Variants in RAPGEF5 observed in about 807,000 individuals in gnomAD.
The protein encoded by RAPGEF5 is M-Ras-regulated GEF.
RAPGEF5 carries 65 observed loss-of-function variants against 125.2 expected under a neutral mutation model. The ratio of observed to expected loss-of-function variants is 0.52; its 90% CI spans 0.43 to 0.64. The LOEUF is 0.64. RAPGEF5 is among the 30% of genes least tolerant of loss of function. RAPGEF5 has a pLI of 0.00. For missense variants in RAPGEF5, 958 were observed against 1,048.1 expected, an observed-to-expected ratio of 0.91 and a Z score of 1.19; for synonymous variants, 391 against 385.9, an observed-to-expected ratio of 1.01 and a Z score of -0.16.
At chr7:22,188,537 T>G (rs1784891484) in intron 11 of RAPGEF5, among the ~76,000 whole-genome samples, 1 of 151,772 alleles carries the variant, frequency 6.6e-6, no homozygotes, top group Non-Finnish European at 1.5e-5. Context: ...GAGGCCAAGG[T>G]GGGTGGATCA....
chr7:22,125,716 A>T, intron 24 of RAPGEF5, 58 bp from the exon 25 acceptor site: 1 of 1,465,976 alleles, frequency 6.8e-7, no homozygotes, highest in East Asian at 2.3e-5. Flanking sequence ...GTTACTGAAG[A>T]AGCAGTGCCT....
intron 11 of RAPGEF5, among the ~76,000 whole-genome samples, chr7:22,175,981 T>C (rs1480391670): frequency 6.6e-6 from 1 of 152,130 alleles, no homozygotes; most frequent in Non-Finnish European, 1.5e-5. Flanking sequence ...ATTAGTACGT[T>C]CTCATGCTGC....
chr7:22,300,888 G>A (rs560924867), intron 5 of RAPGEF5, among the ~76,000 whole-genome samples: 1 of 152,268 alleles, frequency 6.6e-6, no homozygotes, highest in East Asian at 1.9e-4. Flanking sequence ...AAACTACAGG[G>A]ACCCATTTTC....
chr7:22,122,843 G>A (rs1160414936), intron 25 of RAPGEF5, among the ~76,000 whole-genome samples: 1 of 152,196 alleles, frequency 6.6e-6, no homozygotes, highest in Non-Finnish European at 1.5e-5. Flanking sequence ...GTCACAGCCA[G>A]GATTCGGACC....
chr7:22,137,101 T>A, intron 21 of RAPGEF5, 118 bp from the exon 22 acceptor site: 1 of 729,168 alleles, frequency 1.4e-6, no homozygotes, highest in Non-Finnish European at 2.3e-6. Flanking sequence ...CATAAATACC[T>A]CTATCATCTG....
At chr7:22,182,013 T>C (rs775413624) in intron 11 of RAPGEF5, among the ~76,000 whole-genome samples, 2 of 152,184 alleles carry the variant, frequency 1.3e-5, no homozygotes, top group South Asian at 4.1e-4. Context: ...AAACATGCTG[T>C]GAGAGATTAA....
chr7:22,311,808 T>C (rs1783477635), intron 3 of RAPGEF5, among the ~76,000 whole-genome samples: 1 of 152,210 alleles, frequency 6.6e-6, no homozygotes, highest in Non-Finnish European at 1.5e-5. Context: ...CTATAGGATA[T>C]CTTTCATGTT....
intron 7 of RAPGEF5, among the ~76,000 whole-genome samples, chr7:22,256,444 A>G (rs887007136): frequency 2.6e-5 from 4 of 152,204 alleles, no homozygotes; most frequent in African/African-American, 9.7e-5. Context: ...GAGGTTACCA[A>G]ATTTTACGCC....
At chr7:22,327,021 A>T (rs1055171018) in intron 1 of RAPGEF5, among the ~76,000 whole-genome samples, 2 of 152,204 alleles carry the variant, frequency 1.3e-5, no homozygotes, top group African/African-American at 4.8e-5. Flanking sequence ...TAAAGTGGTT[A>T]AAAAAAGCAA....
intron 25 of RAPGEF5, among the ~76,000 whole-genome samples, chr7:22,125,020 A>G (rs1782693375): frequency 1.3e-5 from 2 of 152,222 alleles, no homozygotes; most frequent in Non-Finnish European, 2.9e-5. Context: ...TAAACATAGT[A>G]TAAATTATGG....
intron 11 of RAPGEF5, among the ~76,000 whole-genome samples, chr7:22,188,182 G>A (rs1449738182): frequency 6.6e-6 from 1 of 152,176 alleles, no homozygotes; most frequent in African/African-American, 2.4e-5. Flanking sequence ...ATGCTGCTAC[G>A]GGGTTATTAT....
chr7:22,301,654 G>A (rs967461332), intron 5 of RAPGEF5, among the ~76,000 whole-genome samples: 15 of 148,898 alleles, frequency 1.0e-4, no homozygotes, highest in South Asian at 2.1e-4. Flanking sequence ...TAGATAGGCC[G>A]AAAATATGCA....
chr7:22,174,840 C>A (rs538610655), intron 11 of RAPGEF5, among the ~76,000 whole-genome samples: 1 of 152,112 alleles, frequency 6.6e-6, no homozygotes, highest in Non-Finnish European at 1.5e-5. Flanking sequence ...TGCTTTTAAA[C>A]TTGCTGAGCT....
intron 23 of RAPGEF5, among the ~76,000 whole-genome samples, chr7:22,133,373 A>G (rs887937849): frequency 1.3e-5 from 2 of 152,196 alleles, no homozygotes; most frequent in African/African-American, 4.8e-5. Context: ...AGAGAGAAAC[A>G]AATGAGAGGT....
intron 22 of RAPGEF5, 74 bp downstream of exon 22, chr7:22,136,859 C>T (rs1233099038): frequency 3.2e-6 from 4 of 1,250,548 alleles, no homozygotes; most frequent in East Asian, 2.5e-5. Context: ...AAATACCACC[C>T]ACTATAATGT....
At chr7:22,261,828 T>C (rs556959584) in intron 7 of RAPGEF5, among the ~76,000 whole-genome samples, 1 of 133,786 alleles carries the variant, frequency 7.5e-6, no homozygotes, top group South Asian at 2.8e-4. Flanking sequence ...CAAATGGTGC[T>C]GAGGTGACTG....
rs537660470 is a variant in RAPGEF5 at position 22,144,979 on chromosome 7, AAAG to A, written c.2186+62_2186+64del. 6.1e-5 allele frequency: 92 copies of A among 1,506,146 alleles called. No homozygotes were observed. The African/African-American group carries it at 7.1e-4, about 12-fold the overall frequency. The allele number at this position is 1,506,146 out of a possible 1,614,324, so 93.3% of individuals were successfully genotyped here. A position where few individuals can be genotyped will look rare whatever the true frequency, so the allele number is the denominator to read the frequency against. Reference sequence around the variant, plus strand: ...ACCCTTATCATCATAAGAAAGAAAGAAAGAAGAACAATGTACTCTCTCAAGAAG... The same window carrying A: ...ACCCTTATCATCATAAGAAAGAAAGAAAGAACAATGTACTCTCTCAAGAAG... On this transcript the variant is annotated intron_variant, in intron 20 of 25. Transcript: ENST00000665637.
At chr7:22,231,851 C>T (rs530122482) in intron 7 of RAPGEF5, among the ~76,000 whole-genome samples, 2 of 152,332 alleles carry the variant, frequency 1.3e-5, no homozygotes, top group African/African-American at 4.8e-5. Context: ...AAATTCAGAT[C>T]TAAGCCTAAG....
At chr7:22,283,775 C>T (rs192015136) in intron 6 of RAPGEF5, among the ~76,000 whole-genome samples, 66 of 152,234 alleles carry the variant, frequency 4.3e-4, no homozygotes, top group Admixed American at 3.1e-3. Flanking sequence ...AATATCATAA[C>T]ATACATGTAT....
Sources: allele counts gnomAD v4.1 joint callset (sites outside exome capture counted in the v4.1 genomes callset), GRCh38; gene constraint gnomAD v4.1.1; transcripts MANE v1.5; gene names NCBI Gene and HGNC (gene_info 2026-07-23, HGNC 2026-07-21).